Variants in DNAH11 observed in about 807,000 individuals in gnomAD.
DNAH11 encodes the protein axonemal beta dynein heavy chain 11.
In DNAH11, 442 loss-of-function variants were observed where a neutral mutation model predicts 526.0. That is an observed-to-expected ratio of 0.84 (90% CI 0.78 to 0.91). DNAH11 has a LOEUF of 0.91. Among genes scored for constraint, DNAH11 ranks in the 40% least tolerant of loss-of-function variants. The pLI, the probability that DNAH11 is intolerant of heterozygous loss-of-function variation, is 0.00. For missense variants in DNAH11, 6,989 were observed against 5,448.7 expected, an observed-to-expected ratio of 1.28 and a Z score of -8.90; for synonymous variants, 2,461 against 1,935.9, an observed-to-expected ratio of 1.27 and a Z score of -7.12.
At chr7:21,861,558 C>T (rs1026075029) in intron 68 of DNAH11, among the ~76,000 whole-genome samples, 8 of 152,044 alleles carry the variant, frequency 5.3e-5, no homozygotes, top group African/African-American at 1.9e-4. Context: ...TATCCTACCA[C>T]AATCAAATAC....
chr7:21,822,740 G>A (rs1344615691), intron 65 of DNAH11, among the ~76,000 whole-genome samples: 2 of 152,084 alleles, frequency 1.3e-5, no homozygotes, highest in East Asian at 1.9e-4. Flanking sequence ...CACCAACAAT[G>A]TACAGGTGTT....
At chr7:21,556,891 G>A (rs75710520) in intron 2 of DNAH11, among the ~76,000 whole-genome samples, 17 of 152,082 alleles carry the variant, frequency 1.1e-4, no homozygotes, top group East Asian at 9.7e-4. Context: ...GCAAAATCTC[G>A]TCTCTACTAA....
chr7:21,662,874 G>A (rs1230035658), intron 30 of DNAH11, among the ~76,000 whole-genome samples: 2 of 152,012 alleles, frequency 1.3e-5, no homozygotes, highest in African/African-American at 4.8e-5. Context: ...GTGCAATCTT[G>A]CTACCTGCGT....
chr7:21,680,729 A>T (rs1356939352), intron 30 of DNAH11, among the ~76,000 whole-genome samples: 1 of 152,242 alleles, frequency 6.6e-6, no homozygotes, highest in East Asian at 1.9e-4. Context: ...CGACGGACCT[A>T]AACAAGAATA....
At chr7:21,597,766 C>G (rs1241689147) in intron 14 of DNAH11, among the ~76,000 whole-genome samples, 1 of 152,170 alleles carries the variant, frequency 6.6e-6, no homozygotes, top group Non-Finnish European at 1.5e-5. Flanking sequence ...GACACAGAGT[C>G]AAACCGTATT....
In DNAH11 at chr7:21,744,920, T is replaced by C. The variant is rs755370038; in HGVS notation, c.8367T>C (p.Phe2789=). Residue 2789 remains phenylalanine (F), a synonymous_variant, in exon 51 of 82, where the codon TTT becomes TTC. Coordinates refer to ENST00000409508, the MANE Select transcript of DNAH11 (RefSeq NM_001277115.2). ...LLQQPLIYCH[F]ADRGKDPHYM... ...AACAGCCCCTCATTTATTGCCACTTTGCTGATAGAGGGAAGGACCCACATT... is the reference window on the plus strand; with the variant it reads ...AACAGCCCCTCATTTATTGCCACTTCGCTGATAGAGGGAAGGACCCACATT... 12 of 1,611,242 alleles carry C rather than the reference T, an allele frequency of 7.4e-6. No homozygotes were observed. In the Admixed American group the frequency reaches 2.0e-4, roughly 27 times the overall value.
Position 21,564,311 on chromosome 7 carries a change from C to T in DNAH11, c.1108C>T (p.Leu370=). The T allele has an allele frequency of 1.2e-6, 2 of 1,613,638 alleles. No individual in the cohort carries two copies. The highest frequency in any genetic ancestry group is 1.7e-6 in the Non-Finnish European group (2 of 1,179,716). The part of the protein sequence containing the change: ...LIAPLFHTIC[L]IWSHSKFYNT... ...CGCTCCATTATTTCATACCATCTGT[C>T]TGATCTGGAGTCATTCCAAGTTTTA... Residue 370 remains leucine, a synonymous_variant, in exon 6 of 82, where the codon CTG becomes TTG. Coordinates refer to ENST00000409508, the MANE Select transcript of DNAH11 (RefSeq NM_001277115.2).
intron 65 of DNAH11, among the ~76,000 whole-genome samples, chr7:21,818,655 C>T (rs905768948): frequency 7.9e-5 from 12 of 152,160 alleles, no homozygotes; most frequent in African/African-American, 2.9e-4. Flanking sequence ...TGCAGAACAC[C>T]TTGAATAGGG....
chr7:21,856,335 G>A (rs1782847996), intron 68 of DNAH11, among the ~76,000 whole-genome samples: 1 of 152,134 alleles, frequency 6.6e-6, no homozygotes, highest in African/African-American at 2.4e-5. Flanking sequence ...CTGGTTATGG[G>A]CAATAATAAA....
At chr7:21,590,132 GTAACA>G (rs1784621563) in intron 12 of DNAH11, among the ~76,000 whole-genome samples, 1 of 151,966 alleles carries the variant, frequency 6.6e-6, no homozygotes, top group Non-Finnish European at 1.5e-5. Flanking sequence ...TACATGTTAT[GTAACA>G]ATGGGATTTT....
At chr7:21,848,933 T>C (rs1782521887) in intron 66 of DNAH11, among the ~76,000 whole-genome samples, 1 of 152,232 alleles carries the variant, frequency 6.6e-6, no homozygotes, top group Admixed American at 6.5e-5. Context: ...TTGCCCAGGC[T>C]GGAGTGCAAT....
chr7:21,595,571 T>G (rs6954890), intron 14 of DNAH11, among the ~76,000 whole-genome samples: 151,922 of 152,336 alleles, frequency 1, 75,756 homozygotes, highest in East Asian at 1. Context: ...GAAAGGTGAA[T>G]TTGCAATCTA....
intron 54 of DNAH11, among the ~76,000 whole-genome samples, chr7:21,755,133 C>T (rs554755062): frequency 6.6e-6 from 1 of 152,292 alleles, no homozygotes; most frequent in African/African-American, 2.4e-5. Context: ...AGTCAGTTCC[C>T]ACTTGGAATG....
rs141270010 is a variant in DNAH11 at position 21,758,933 on chromosome 7, A to G, written c.8941-6495A>G. 6.6e-5 allele frequency among the ~76,000 whole-genome samples: 10 copies of G among 152,340 alleles called. No individual in the cohort carries two copies. The East Asian group carries it at 1.9e-3, about 29-fold the overall frequency. ...GCAGAAACACCATCTACTCTAACAGAGCAGCGCTGATCAGAAGCCAGAAAC... is the reference window on the plus strand; with the variant it reads ...GCAGAAACACCATCTACTCTAACAGGGCAGCGCTGATCAGAAGCCAGAAAC... On this transcript the variant is annotated intron_variant, in intron 54 of 81. Coordinates refer to ENST00000409508, the MANE Select transcript of DNAH11 (RefSeq NM_001277115.2).
At chr7:21,639,560 C>T (rs1372768807) in intron 28 of DNAH11, among the ~76,000 whole-genome samples, 1 of 152,186 alleles carries the variant, frequency 6.6e-6, no homozygotes, top group Non-Finnish European at 1.5e-5. Context: ...TAATTTTCCC[C>T]TATCTCTGCA....
chr7:21,594,063 TACACACACACACAC>T (rs59727118), intron 14 of DNAH11, among the ~76,000 whole-genome samples: 5,361 of 137,612 alleles, frequency 0.039, 332 homozygotes, highest in African/African-American at 0.14. Context: ...CATACACACA[TACACACACACACAC>T]ACACACACAC....
intron 45 of DNAH11, among the ~76,000 whole-genome samples, chr7:21,731,538 G>T (rs890044542): frequency 6.6e-6 from 1 of 152,120 alleles, no homozygotes; most frequent in Non-Finnish European, 1.5e-5. Flanking sequence ...AAAAAGCAAC[G>T]TACAGAATAA....
intron 35 of DNAH11, among the ~76,000 whole-genome samples, 168 bp from the exon 36 acceptor site, chr7:21,697,907 A>G (rs1446104502): frequency 6.6e-6 from 1 of 152,170 alleles, no homozygotes; most frequent in Non-Finnish European, 1.5e-5. Flanking sequence ...TAATGAGTGG[A>G]CATTTTTTTA....
chr7:21,776,644 A>C (rs968409797), intron 56 of DNAH11, among the ~76,000 whole-genome samples: 1 of 152,178 alleles, frequency 6.6e-6, no homozygotes, highest in East Asian at 1.9e-4. Context: ...CCTTGCTTCC[A>C]CGGCTTCAGT....
Sources: gnomAD v4.1 joint callset for allele counts (sites outside exome capture counted in the v4.1 genomes callset) on GRCh38, gnomAD v4.1.1 for gene constraint, MANE v1.5 for transcripts, NCBI Gene and HGNC (gene_info 2026-07-23, HGNC 2026-07-21) for gene names.